Variants in NOX4 observed in about 807,000 individuals in gnomAD.
The protein encoded by NOX4 is NADPH oxidase 4.
A neutral mutation model predicts 87.6 loss-of-function variants in NOX4; 69 were observed. The ratio of observed to expected loss-of-function variants is 0.79; its 90% CI spans 0.65 to 0.96. NOX4 has a LOEUF of 0.96. Among genes scored for constraint, NOX4 ranks in the 40% least tolerant of loss-of-function variants. NOX4 has a pLI of 0.00. For missense variants in NOX4, 680 were observed against 681.5 expected (o/e 1.00, Z 0.02); for synonymous variants, 275 against 238.2 (o/e 1.15, Z -1.42).
chr11:89,530,128 C>A, the NOX4 span, among the ~76,000 whole-genome samples: 1 of 151,528 alleles, frequency 6.6e-6, no homozygotes, highest in African/African-American at 2.4e-5. Context: ...TTAAATTGAG[C>A]TTAAATGATC....
intron 8 of NOX4, among the ~76,000 whole-genome samples, chr11:89,404,381 T>G (rs1942048705): frequency 6.6e-6 from 1 of 152,110 alleles, no homozygotes; most frequent in African/African-American, 2.4e-5. Flanking sequence ...TTCTTCAGAC[T>G]TCAACAGAGT....
chr11:89,358,595 G>T (rs1323787303), intron 12 of NOX4, among the ~76,000 whole-genome samples: 2 of 151,218 alleles, frequency 1.3e-5, no homozygotes, highest in Non-Finnish European at 2.9e-5. Context: ...ATAGATAAAT[G>T]ATAACAATTA....
intron 13 of NOX4, among the ~76,000 whole-genome samples, chr11:89,347,172 C>A (rs183871691): frequency 1.5e-3 from 235 of 152,270 alleles, no homozygotes; most frequent in Middle Eastern, 3.4e-3. Flanking sequence ...AGAAACTGTA[C>A]CGGAATAACC....
At chr11:89,443,843 T>C (rs901297474) in intron 5 of NOX4, 41 of 275,882 alleles carry the variant, frequency 1.5e-4, no homozygotes, top group African/African-American at 8.3e-4. Flanking sequence ...AGCTGAATGA[T>C]AGGAATTAGA....
the NOX4 span, among the ~76,000 whole-genome samples, chr11:89,566,466 T>C: frequency 2.0e-4 from 30 of 152,254 alleles, no homozygotes; most frequent in Admixed American, 1.8e-3. Context: ...TATATAATAG[T>C]TCTCTTGAAT....
the NOX4 span, among the ~76,000 whole-genome samples, chr11:89,549,475 CATAACA>C: frequency 2.0e-5 from 3 of 152,056 alleles, no homozygotes; most frequent in African/African-American, 7.2e-5. Context: ...AAAGACAATC[CATAACA>C]ATAAGTACAT....
In NOX4 at chr11:89,438,866, TATATATATA is replaced by T. The variant is rs1565293806; in HGVS notation, c.475+1813_475+1821del. Among the ~76,000 whole-genome samples, 58 of 6,136 alleles carry T rather than the reference TATATATATA, an allele frequency of 9.5e-3. 1 individual carries two copies. The highest frequency in any genetic ancestry group is 0.027 in the African/African-American group (45 of 1,652). 4.0% of individuals were successfully genotyped at this position (6,136 alleles called of 152,430 possible). On this transcript the variant is annotated intron_variant, in intron 6 of 17. Transcript: ENST00000263317. ...ATATATTATATAATATATTATATATTATATATATAATATATAATATATTATATATTATAT... is the reference window on the plus strand; with the variant it reads ...ATATATTATATAATATATTATATATTATATATAATATATTATATATTATAT...
chr11:89,539,625 TTC>T, the NOX4 span, among the ~76,000 whole-genome samples: 1 of 152,098 alleles, frequency 6.6e-6, no homozygotes, highest in African/African-American at 2.4e-5. Flanking sequence ...CTCTTTCTCT[TTC>T]TTTCTCTAAC....
the NOX4 span, among the ~76,000 whole-genome samples, chr11:89,520,280 G>T: frequency 6.6e-6 from 1 of 151,908 alleles, no homozygotes; most frequent in Non-Finnish European, 1.5e-5. Context: ...TCATTTTTAC[G>T]GAATTTATAA....
chr11:89,368,530 C>A (rs1224997080), intron 12 of NOX4, among the ~76,000 whole-genome samples: 2 of 152,006 alleles, frequency 1.3e-5, no homozygotes, highest in African/African-American at 2.4e-5. Context: ...AGCAAAAGAG[C>A]AAAGGGGGAG....
chr11:89,365,832 A>G (rs1393633094), intron 12 of NOX4, among the ~76,000 whole-genome samples: 1 of 151,934 alleles, frequency 6.6e-6, no homozygotes, highest in Non-Finnish European at 1.5e-5. Flanking sequence ...CGAGCAAATA[A>G]AATCAATGCC....
chr11:89,367,935 C>G (rs954649380), intron 12 of NOX4, among the ~76,000 whole-genome samples: 1 of 152,018 alleles, frequency 6.6e-6, no homozygotes, highest in African/African-American at 2.4e-5. Flanking sequence ...TAATCCCCCA[C>G]TCTAGGCAAG....
chr11:89,346,232 GA>G (rs1284222056), intron 13 of NOX4, among the ~76,000 whole-genome samples: 4 of 151,270 alleles, frequency 2.6e-5, no homozygotes, highest in African/African-American at 4.9e-5. Context: ...AACATGGTTT[GA>G]AAAAAAACCA....
chr11:89,451,821 G>A lies in NOX4; in HGVS notation c.228C>T (p.Cys76=), dbSNP rs1187795234. 8.1e-6 allele frequency: 13 copies of A among 1,613,170 alleles called. No individual in the cohort carries two copies. The highest frequency in any genetic ancestry group is 1.1e-5 in the South Asian group (1 of 91,066). The change falls in exon 3 of 18, where the codon TGC becomes TGT. Residue 76 remains cysteine (C), a synonymous_variant. Transcript: ENST00000263317. ...CTCGGAGGTAAGCCAAGAGTGTTCG[G>A]CACATGGGTAAAAGGATAAGGCTGC... ...LNCSLILLPM[C]RTLLAYLRGS... is the part of the protein sequence containing the mutation.
At chr11:89,526,772 A>AGT in the NOX4 span, among the ~76,000 whole-genome samples, 1 of 152,148 alleles carries the variant, frequency 6.6e-6, no homozygotes, top group East Asian at 1.9e-4. Context: ...CTGAACTGTG[A>AGT]GTCAATTAAA....
chr11:89,510,596 C>A, the NOX4 span, among the ~76,000 whole-genome samples: 1 of 151,956 alleles, frequency 6.6e-6, no homozygotes, highest in African/African-American at 2.4e-5. Context: ...AGAAGACACT[C>A]TATACTTGAG....
At chr11:89,561,017 T>TATATATAC in the NOX4 span, among the ~76,000 whole-genome samples, 7 of 109,912 alleles carry the variant, frequency 6.4e-5, no homozygotes, top group Admixed American at 6.9e-4. Context: ...TATATATATA[T>TATATATAC]ATACATACAC....
chr11:89,491,727 T>TACACAC (rs66820323), upstream of NOX4, among the ~76,000 whole-genome samples: 551 of 140,736 alleles, frequency 3.9e-3, 2 homozygotes, highest in African/African-American at 0.013. Context: ...CGCCCCCTTG[T>TACACAC]ACACACACAC....
At chr11:89,359,479 C>T (rs1306327069) in intron 12 of NOX4, among the ~76,000 whole-genome samples, 27 of 149,520 alleles carry the variant, frequency 1.8e-4, no homozygotes, top group Non-Finnish European at 7.4e-5. Flanking sequence ...GTATGCAAAC[C>T]TATTCCTGGG....
Sources: gnomAD v4.1 joint callset for allele counts (sites outside exome capture counted in the v4.1 genomes callset) on GRCh38, gnomAD v4.1.1 for gene constraint, MANE v1.5 for transcripts, NCBI Gene and HGNC (gene_info 2026-07-23, HGNC 2026-07-21) for gene names.